The following ATG7 variants were observed in gnomAD, a reference collection of about 807,000 sequenced individuals.
ATG7 encodes autophagy related 7, also known as ubiquitin-like modifier-activating enzyme ATG7.
In ATG7, 70 loss-of-function variants were observed where a neutral mutation model predicts 82.4. That is an observed-to-expected ratio of 0.85 (90% CI 0.70 to 1.04). ATG7 has a LOEUF of 1.04. Among genes scored for constraint, ATG7 ranks in the 50% least tolerant of loss-of-function variants. The probability of loss-of-function intolerance (pLI) is 0.00; values close to 1 mark genes in which losing one functional copy is unlikely to be tolerated. For missense variants in ATG7, 792 were observed against 864.3 expected (o/e 0.92, Z 1.05); for synonymous variants, 287 against 313.0 (o/e 0.92, Z 0.88).
At chr3:11,486,712 ATCAG>A (rs951469598) in intron 20 of ATG7, among the ~76,000 whole-genome samples, 2 of 152,012 alleles carry the variant, frequency 1.3e-5, no homozygotes, top group African/African-American at 4.8e-5. Flanking sequence ...GATATGTCCC[ATCAG>A]TACCTAATTT....
chr3:11,564,709 C>A, the ATG7 span: 1 of 1,465,464 alleles, frequency 6.8e-7, no homozygotes, highest in South Asian at 1.2e-5. Context: ...TCACCACCGC[C>A]CTCGGAGTCC....
At chr3:11,356,347 A>G (rs1007625481) in intron 14 of ATG7, among the ~76,000 whole-genome samples, 6 of 152,146 alleles carry the variant, frequency 3.9e-5, no homozygotes, top group Non-Finnish European at 7.4e-5. Flanking sequence ...GGAGTTTTAG[A>G]AAATATTGGT....
intron 20 of ATG7, among the ~76,000 whole-genome samples, chr3:11,475,909 C>CACACACACACA (rs1479988312): frequency 0.029 from 3,031 of 104,532 alleles, 67 homozygotes; most frequent in South Asian, 0.072. Context: ...ACACACACAC[C>CACACACACACA]CCCTCCCAGA....
At chr3:11,459,633 CTGA>C (rs1431075636) in intron 20 of ATG7, among the ~76,000 whole-genome samples, 3 of 152,040 alleles carry the variant, frequency 2.0e-5, no homozygotes, top group Non-Finnish European at 2.9e-5. Flanking sequence ...CTCTTCTTGT[CTGA>C]TAACAGCCAG....
At chr3:11,317,812 C>G (rs1949664768) in intron 9 of ATG7, among the ~76,000 whole-genome samples, 2 of 152,042 alleles carry the variant, frequency 1.3e-5, no homozygotes, top group Non-Finnish European at 2.9e-5. Context: ...AGGCTAGTCT[C>G]AAACTCCTGA....
chr3:11,550,579 G>T (rs114644357), intron 20 of ATG7, among the ~76,000 whole-genome samples: 2,863 of 151,964 alleles, frequency 0.019, 59 homozygotes, highest in African/African-American at 0.05. Context: ...AAAAATTATT[G>T]TAGAGAAAGG....
At chr3:11,431,303 A>G (rs1332470932) in intron 20 of ATG7, among the ~76,000 whole-genome samples, 10 of 152,226 alleles carry the variant, frequency 6.6e-5, no homozygotes, top group Admixed American at 6.5e-4. Context: ...CGGGAGGCTG[A>G]GGCAGGAGAA....
Position 11,331,350 on chromosome 3 carries a change from G to T in ATG7, c.689G>T (p.Gly230Val). 2 of 1,612,948 alleles carry T rather than the reference G, an allele frequency of 1.2e-6. No individual in the cohort carries two copies. Among genetic ancestry groups the T allele is most frequent in the Non-Finnish European group, 1.7e-6 (2 of 1,178,966 alleles). ...FQGQRTKITI[G>V]VYDPCNLAQY... is the part of the protein sequence containing the mutation. ...CTTTTTTGTTCACAGATAACAATTG[G>T]TGTATATGATCCCTGTAACTTAGCC... is the stretch of plus-strand genomic sequence containing the variant. Residue 230 changes from glycine (G) to valine (V), a missense_variant, in exon 10 of 21, where the codon GGT becomes GTT. Physicochemically the swap from Gly to Val is moderately radical, Grantham distance 109. Coordinates refer to ENST00000693202, the MANE Select transcript of ATG7 (RefSeq NM_001349232.2).
chr3:11,486,616 A>G (rs2089682013), intron 20 of ATG7, among the ~76,000 whole-genome samples: 1 of 151,876 alleles, frequency 6.6e-6, no homozygotes, highest in East Asian at 1.9e-4. Flanking sequence ...GTCTTGTGCC[A>G]GTTTTCAAAG....
chr3:11,434,608 T>C (rs2083202616), intron 20 of ATG7, among the ~76,000 whole-genome samples: 1 of 152,230 alleles, frequency 6.6e-6, no homozygotes, highest in Non-Finnish European at 1.5e-5. Flanking sequence ...AGTATCTCAC[T>C]TATAACTTAC....
At chr3:11,553,892 T>A (rs1417064810) in intron 20 of ATG7, among the ~76,000 whole-genome samples, 1 of 152,224 alleles carries the variant, frequency 6.6e-6, no homozygotes, top group African/African-American at 2.4e-5. Context: ...GTAAACATGC[T>A]GTTCCTTCTC....
At chr3:11,423,325 G>A (rs1048238211) in intron 19 of ATG7, among the ~76,000 whole-genome samples, 1 of 152,128 alleles carries the variant, frequency 6.6e-6, no homozygotes, top group Non-Finnish European at 1.5e-5. Flanking sequence ...ACTGATCACA[G>A]ATCACCACAA....
intron 20 of ATG7, among the ~76,000 whole-genome samples, chr3:11,491,118 G>A (rs1483393983): frequency 1.3e-5 from 2 of 152,164 alleles, no homozygotes; most frequent in African/African-American, 2.4e-5. Flanking sequence ...GCAATCAAAC[G>A]TAGATTTGGT....
chr3:11,574,634 C>T, the ATG7 span, among the ~76,000 whole-genome samples: 3 of 152,172 alleles, frequency 2.0e-5, no homozygotes, highest in South Asian at 2.1e-4. Flanking sequence ...CAGTTTCAAA[C>T]AACATCCATA....
At chr3:11,550,745 T>C (rs2071698672) in intron 20 of ATG7, among the ~76,000 whole-genome samples, 1 of 152,106 alleles carries the variant, frequency 6.6e-6, no homozygotes, top group South Asian at 2.1e-4. Context: ...CTTTATGGTA[T>C]GTTGTTATGT....
At chr3:11,492,055 C>T (rs2090409512) in intron 20 of ATG7, among the ~76,000 whole-genome samples, 1 of 152,196 alleles carries the variant, frequency 6.6e-6, no homozygotes, top group South Asian at 2.1e-4. Flanking sequence ...GCGCCCCTCC[C>T]CCAGCCTCGC....
chr3:11,299,021 T>G, intron 4 of ATG7, 166 bp downstream of exon 4: 1 of 763,026 alleles, frequency 1.3e-6, no homozygotes, highest in Non-Finnish European at 2.0e-6. Flanking sequence ...TCATTTTCAT[T>G]TATTTTCTCT....
chr3:11,437,710 G>A (rs760979967), intron 20 of ATG7, among the ~76,000 whole-genome samples: 13 of 152,064 alleles, frequency 8.5e-5, no homozygotes, highest in Non-Finnish European at 1.5e-4. Context: ...CTCTGTGTAC[G>A]TGCATGCACT....
intron 20 of ATG7, among the ~76,000 whole-genome samples, chr3:11,433,823 T>C (rs9816564): frequency 0.52 from 78,362 of 152,040 alleles, 21,106 homozygotes; most frequent in East Asian, 0.68. Context: ...GAACTTCCTT[T>C]CTGCAGATTT....
Sources: gnomAD v4.1 joint callset for allele counts (sites outside exome capture counted in the v4.1 genomes callset) on GRCh38, gnomAD v4.1.1 for gene constraint, MANE v1.5 for transcripts, NCBI Gene and HGNC (gene_info 2026-07-23, HGNC 2026-07-21) for gene names.